Variants in B3GALT1 observed in about 807,000 individuals in gnomAD.
B3GALT1 encodes beta-1,3-galactosyltransferase 1.
Under a neutral mutation model 23.2 loss-of-function variants are expected in B3GALT1, and 10 were observed. The ratio of observed to expected loss-of-function variants is 0.43; its 90% CI spans 0.27 to 0.73. B3GALT1 has a LOEUF of 0.73. B3GALT1 is among the 30% of genes least tolerant of loss of function. The pLI, the probability that B3GALT1 is intolerant of heterozygous loss-of-function variation, is 0.21. For synonymous variants in B3GALT1, 156 were observed against 141.5 expected (o/e 1.10, Z -0.73); for missense variants, 299 against 405.4 (o/e 0.74, Z 2.25).
At chr2:167,333,799 T>A (rs561144725) in intron 1 of B3GALT1, among the ~76,000 whole-genome samples, 59 of 152,282 alleles carry the variant, frequency 3.9e-4, no homozygotes, top group African/African-American at 1.3e-3. Context: ...TGAACTAGAT[T>A]AGCCCAAACT....
chr2:167,852,038 C>CTGA (rs1689913072), intron 4 of B3GALT1, among the ~76,000 whole-genome samples: 1 of 152,198 alleles, frequency 6.6e-6, no homozygotes, highest in South Asian at 2.1e-4. Flanking sequence ...AATAGCTCTG[C>CTGA]TGATAACTTC....
intron 2 of B3GALT1, among the ~76,000 whole-genome samples, chr2:167,614,869 G>A (rs1281187492): frequency 6.6e-6 from 1 of 151,956 alleles, no homozygotes; most frequent in Non-Finnish European, 1.5e-5. Context: ...TAGATGGATG[G>A]ATAGGTAGAT....
intron 2 of B3GALT1, among the ~76,000 whole-genome samples, chr2:167,605,608 T>C (rs1276379304): frequency 1.3e-5 from 2 of 152,170 alleles, no homozygotes; most frequent in Non-Finnish European, 2.9e-5. Context: ...GCTGAAGATA[T>C]GTTAAGGCCT....
intron 1 of B3GALT1, among the ~76,000 whole-genome samples, chr2:167,404,187 G>T (rs1250235019): frequency 4.6e-5 from 7 of 151,976 alleles, no homozygotes; most frequent in Admixed American, 1.3e-4. Context: ...AAAAGGGGAG[G>T]CAGGTGCCAG....
chr2:167,482,796 C>T (rs1056762349), intron 1 of B3GALT1, among the ~76,000 whole-genome samples: 5 of 151,830 alleles, frequency 3.3e-5, no homozygotes, highest in African/African-American at 4.8e-5. Context: ...GCTGAGATGG[C>T]GCCACTGCAC....
chr2:167,758,453 C>G (rs1202068083), intron 3 of B3GALT1, among the ~76,000 whole-genome samples: 1 of 152,124 alleles, frequency 6.6e-6, no homozygotes, highest in African/African-American at 2.4e-5. Context: ...GGAAGGAAGC[C>G]CAGGAATGGG....
chr2:167,763,551 G>T (rs1418978480), intron 3 of B3GALT1, among the ~76,000 whole-genome samples: 1 of 151,880 alleles, frequency 6.6e-6, no homozygotes, highest in Non-Finnish European at 1.5e-5. Flanking sequence ...ACGTAGCCAG[G>T]TATGGTGGCA....
At chr2:167,385,715 C>T (rs1697919663) in intron 1 of B3GALT1, among the ~76,000 whole-genome samples, 1 of 152,206 alleles carries the variant, frequency 6.6e-6, no homozygotes, top group South Asian at 2.1e-4. Context: ...TTCAGAGATG[C>T]TGCCGTATTA....
chr2:167,468,310 AATAC>A (rs1220404895), intron 1 of B3GALT1, among the ~76,000 whole-genome samples: 1 of 152,192 alleles, frequency 6.6e-6, no homozygotes, highest in Admixed American at 6.5e-5. Flanking sequence ...AGAAAAGATA[AATAC>A]ATAATACTCT....
chr2:167,584,600 AC>A (rs750562637), intron 2 of B3GALT1, among the ~76,000 whole-genome samples: 1 of 152,102 alleles, frequency 6.6e-6, no homozygotes, highest in Non-Finnish European at 1.5e-5. Context: ...AAGACTGCCC[AC>A]CACTTCTGAT....
chr2:167,584,917 A>G (rs1055543930), intron 2 of B3GALT1, among the ~76,000 whole-genome samples: 2 of 152,224 alleles, frequency 1.3e-5, no homozygotes, highest in Admixed American at 6.5e-5. Context: ...TGGAAGCTTC[A>G]TTACATGAAG....
chr2:167,693,549 G>A (rs1325609208), intron 3 of B3GALT1, among the ~76,000 whole-genome samples: 1 of 152,022 alleles, frequency 6.6e-6, no homozygotes, highest in African/African-American at 2.4e-5. Flanking sequence ...CTGTTATTTG[G>A]GGGAAAGAAA....
intron 2 of B3GALT1, among the ~76,000 whole-genome samples, chr2:167,556,267 C>G (rs548593579): frequency 6.6e-6 from 1 of 152,146 alleles, no homozygotes; most frequent in East Asian, 1.9e-4. Context: ...ACTGCTGTAA[C>G]TATGATGCTT....
chr2:167,767,191 C>A (rs1003584432), intron 3 of B3GALT1, among the ~76,000 whole-genome samples: 1 of 152,168 alleles, frequency 6.6e-6, no homozygotes, highest in Non-Finnish European at 1.5e-5. Flanking sequence ...GTAAGCTGAA[C>A]CAATTGAGGT....
intron 3 of B3GALT1, among the ~76,000 whole-genome samples, chr2:167,651,263 TGTGTGTGTGC>T (rs763907525): frequency 2.0e-4 from 4 of 20,058 alleles, no homozygotes; most frequent in Non-Finnish European, 3.4e-4. Flanking sequence ...TGTGTGTGTG[TGTGTGTGTGC>T]GCGCACGTGC....
At chr2:167,791,832 A>G (rs1293348237) in intron 3 of B3GALT1, among the ~76,000 whole-genome samples, 1 of 151,952 alleles carries the variant, frequency 6.6e-6, no homozygotes, top group South Asian at 2.1e-4. Context: ...CTTGTATTTT[A>G]TTTATATATT....
intron 1 of B3GALT1, among the ~76,000 whole-genome samples, chr2:167,319,101 T>C (rs1696763353): frequency 6.6e-6 from 1 of 152,082 alleles, no homozygotes; most frequent in Non-Finnish European, 1.5e-5. Flanking sequence ...CTGAGATGGT[T>C]TTTAGGACTC....
rs150855732 is a variant in B3GALT1 at position 167,800,995 on chromosome 2, T to C, written c.-351-17677T>C. Reference sequence around the variant, plus strand: ...AAGAGCCACTCAGTGAATATATCCATTGAGGGTTGTTTCTATTTGACAGAA... The same window carrying C: ...AAGAGCCACTCAGTGAATATATCCACTGAGGGTTGTTTCTATTTGACAGAA... On this transcript the variant is annotated intron_variant, in intron 3 of 4. Coordinates refer to ENST00000392690, the MANE Select transcript of B3GALT1 (RefSeq NM_020981.4). 9.4e-3 allele frequency among the ~76,000 whole-genome samples: 1,434 copies of C among 152,286 alleles called. 26 individuals are homozygous for C. The highest frequency in any genetic ancestry group is 0.032 in the African/African-American group (1,337 of 41,540).
At chr2:167,806,811 A>G (rs990277890) in intron 3 of B3GALT1, among the ~76,000 whole-genome samples, 25 of 152,198 alleles carry the variant, frequency 1.6e-4, no homozygotes, top group African/African-American at 5.1e-4. Flanking sequence ...CTTTGGTATC[A>G]GGATGATGCT....
Sources: gnomAD v4.1 joint callset for allele counts (sites outside exome capture counted in the v4.1 genomes callset) on GRCh38, gnomAD v4.1.1 for gene constraint, MANE v1.5 for transcripts, NCBI Gene and HGNC (gene_info 2026-07-23, HGNC 2026-07-21) for gene names.